Variants in RGS13 observed in about 807,000 individuals in gnomAD.
RGS13 encodes the protein regulator of G-protein signalling 13.
Under a neutral mutation model 19.9 loss-of-function variants are expected in RGS13, and 14 were observed. The observed-to-expected ratio is 0.70, with a 90% CI of 0.46 to 1.10. RGS13 has a LOEUF of 1.10. Ranked by LOEUF, RGS13 falls within the 50% of genes least tolerant of loss-of-function variation. The probability of loss-of-function intolerance (pLI) is 0.00; values close to 1 mark genes in which losing one functional copy is unlikely to be tolerated. For synonymous variants in RGS13, 60 were observed against 56.8 expected (o/e 1.06, Z -0.25); for missense variants, 205 against 187.1 (o/e 1.10, Z -0.56).
rs1663576565 is a variant in RGS13 at position 192,659,718 on chromosome 1, A to G, written c.*195A>G. 1 of 536,734 alleles carries G rather than the reference A, an allele frequency of 1.9e-6. No homozygotes were observed. Among genetic ancestry groups the G allele is most frequent in the Non-Finnish European group, 3.3e-6 (1 of 305,980 alleles). The allele number at this position is 536,734 out of a possible 1,614,324, so 33.2% of individuals were successfully genotyped here. The stretch of plus-strand genomic sequence containing the variant: ...GAATTCTTATAACATGAATAACAAA[A>G]TGTACAGCAAGCCTATGTAGTTCAA... On this transcript the variant is annotated 3_prime_UTR_variant, in exon 7 of 7. Coordinates refer to ENST00000391995, the MANE Select transcript of RGS13 (RefSeq NM_002927.5).
chr1:192,651,576 T>G (rs1052844414), intron 5 of RGS13, among the ~76,000 whole-genome samples: 3 of 150,502 alleles, frequency 2.0e-5, no homozygotes, highest in African/African-American at 7.4e-5. Context: ...ATAAGAAAAA[T>G]AGAGGAATGC....
At chr1:192,639,351 C>G (rs1359109161) in intron 3 of RGS13, among the ~76,000 whole-genome samples, 1 of 116,188 alleles carries the variant, frequency 8.6e-6, no homozygotes, top group African/African-American at 3.2e-5. Flanking sequence ...CTTCTGGCAG[C>G]CCCAACCATC....
Position 192,658,285 on chromosome 1 carries a change from A to T in RGS13, c.212A>T (p.Lys71Met). The T allele has an allele frequency of 6.2e-7, 1 of 1,613,678 alleles. No homozygotes were observed. The highest frequency in any genetic ancestry group is 2.2e-5 in the East Asian group (1 of 44,806). The change falls in exon 6 of 7, where the codon AAG (lysine) becomes ATG (methionine). Residue 71 changes from lysine (K) to methionine (M), a missense_variant. Transcript: ENST00000391995. ...IQFWMACETY[K>M]KIASRWSRIS... The stretch of plus-strand genomic sequence containing the variant: ...TTCTGGATGGCATGTGAAACCTATA[A>T]GAAAATTGCCTCACGGTGGAGCAGA...
intron 6 of RGS13, chr1:192,658,665 T>C: frequency 3.8e-6 from 1 of 261,744 alleles, no homozygotes; most frequent in Non-Finnish European, 7.2e-6. Flanking sequence ...AAAAGGAGTC[T>C]GTGGCGAAAG....
At chr1:192,645,716 G>A (rs1249128975) in intron 4 of RGS13, 1 of 151,230 alleles carries the variant, frequency 6.6e-6, no homozygotes, top group Non-Finnish European at 1.5e-5. Flanking sequence ...GGATAGCCAT[G>A]GGCCAGCATT....
At chr1:192,658,141 C>T (rs1663477486) in intron 5 of RGS13, 60 bp from the exon 6 acceptor site, 10 of 1,289,810 alleles carry the variant, frequency 7.8e-6, no homozygotes, top group Non-Finnish European at 9.8e-6. Context: ...AACTGTATTG[C>T]TTAGATTTTT....
chr1:192,642,711 C>T (rs1196382334), intron 3 of RGS13, among the ~76,000 whole-genome samples: 2 of 152,062 alleles, frequency 1.3e-5, no homozygotes, highest in Admixed American at 6.6e-5. Flanking sequence ...TCAGCACACT[C>T]GTGGATATCC....
chr1:192,644,393 C>A lies in RGS13; in HGVS notation c.59C>A (p.Pro20His), dbSNP rs745916850. The A allele has an allele frequency of 1.2e-6, 2 of 1,608,364 alleles. No homozygotes were observed. The highest frequency in any genetic ancestry group is 3.3e-5 in the Admixed American group (2 of 59,838). The change falls in exon 4 of 7, where the codon CCT (proline) becomes CAT (histidine). Residue 20 changes from proline (P) to histidine (H), a missense_variant. Transcript: ENST00000391995. ...KMCRDESKRP[P>H]SNLTLEEVLQ... The stretch of plus-strand genomic sequence containing the variant: ...TGCAGAGATGAATCTAAGAGGCCCC[C>A]TTCAAAGTAAGTAGCATTTAAGTTT...
At chr1:192,644,176 C>G (rs990776022) in intron 3 of RGS13, among the ~76,000 whole-genome samples, 155 bp from the exon 4 acceptor site, 2 of 152,094 alleles carry the variant, frequency 1.3e-5, no homozygotes, top group Non-Finnish European at 2.9e-5. Context: ...ATTCTCCTCT[C>G]TCCTCCCAAC....
chr1:192,652,368 G>A (rs1262135992), intron 5 of RGS13, among the ~76,000 whole-genome samples: 3 of 151,944 alleles, frequency 2.0e-5, no homozygotes, highest in Non-Finnish European at 4.4e-5. Flanking sequence ...ATCTGTGCAA[G>A]CTCCTTTGCT....
intron 4 of RGS13, 49 bp downstream of exon 4, chr1:192,644,448 A>C: frequency 1.1e-5 from 14 of 1,295,508 alleles, no homozygotes; most frequent in Non-Finnish European, 1.6e-5. Context: ...TATTTATCAG[A>C]TGATAAATAG....
chr1:192,659,652 A>G lies in RGS13; in HGVS notation c.*129A>G. The G allele has an allele frequency of 1.5e-6, 1 of 668,154 alleles. No individual in the cohort carries two copies. Among genetic ancestry groups the G allele is most frequent in the Non-Finnish European group, 2.5e-6 (1 of 396,520 alleles). The allele number at this position is 668,154 out of a possible 1,614,324, so 41.4% of individuals were successfully genotyped here. On this transcript the variant is annotated 3_prime_UTR_variant, in exon 7 of 7. Coordinates refer to ENST00000391995, the MANE Select transcript of RGS13 (RefSeq NM_002927.5). ...GAAATCAAACTATAAGTTGACTTTT[A>G]GTTCCTAAAAAGAAACATATTTCAA...
intron 5 of RGS13, 106 bp downstream of exon 5, chr1:192,648,093 T>C: frequency 1.6e-6 from 1 of 644,624 alleles, no homozygotes; most frequent in Admixed American, 2.8e-5. Context: ...CTCACAGCCT[T>C]CTAACTGGCA....
intron 4 of RGS13, chr1:192,646,675 C>T (rs2102032783): frequency 6.6e-6 from 1 of 152,198 alleles, no homozygotes; most frequent in Non-Finnish European, 1.5e-5. Flanking sequence ...CAACAGGCCC[C>T]AGTGTGTGTT....
Position 192,654,124 on chromosome 1 carries a change from A to G in RGS13, c.128-4077A>G, listed in dbSNP as rs544021220. On this transcript the variant is annotated intron_variant, in intron 5 of 6. Coordinates refer to ENST00000391995, the MANE Select transcript of RGS13 (RefSeq NM_002927.5). ...AATAAAAAATATACATTATATATAT[A>G]TTTTTGCTATTAAAATTAAGTATTT... Among the ~76,000 whole-genome samples the G allele has an allele frequency of 8.6e-5, 13 of 151,770 alleles. No individual in the cohort carries two copies. The South Asian group carries it at 2.7e-3, about 31-fold the overall frequency.
At chr1:192,644,936 T>G (rs549351066) in intron 4 of RGS13, 1 of 150,620 alleles carries the variant, frequency 6.6e-6, no homozygotes, top group Non-Finnish European at 1.5e-5. Flanking sequence ...TTCCCAAAAG[T>G]TGAGAACCCC....
At chr1:192,658,177 A>T (rs1663478475) in intron 5 of RGS13, 24 bp from the exon 6 acceptor site, 2 of 1,562,664 alleles carry the variant, frequency 1.3e-6, no homozygotes, top group Non-Finnish European at 8.7e-7. Context: ...CATGAAAATA[A>T]ACTGATTTCT....
intron 1 of RGS13, among the ~76,000 whole-genome samples, 169 bp downstream of exon 1, chr1:192,636,486 T>C (rs981160082): frequency 1.3e-5 from 2 of 152,062 alleles, no homozygotes; most frequent in Non-Finnish European, 2.9e-5. Context: ...TGGCTTTCTA[T>C]ATTTAAAACA....
At chr1:192,647,282 C>T (rs1663239426) in intron 4 of RGS13, 1 of 152,174 alleles carries the variant, frequency 6.6e-6, no homozygotes, top group South Asian at 2.1e-4. Context: ...TTTGATTCTA[C>T]TGCTAGTGCC....
Sources: gnomAD v4.1 joint callset for allele counts (sites outside exome capture counted in the v4.1 genomes callset) on GRCh38, gnomAD v4.1.1 for gene constraint, MANE v1.5 for transcripts, NCBI Gene and HGNC (gene_info 2026-07-23, HGNC 2026-07-21) for gene names.